The following GALNT17 variants were observed in gnomAD, a reference collection of about 807,000 sequenced individuals.
The protein encoded by GALNT17 is polypeptide N-acetylgalactosaminyltransferase 17.
A neutral mutation model predicts 63.7 loss-of-function variants in GALNT17; 29 were observed. The observed-to-expected ratio is 0.46, with a 90% CI of 0.34 to 0.62. GALNT17 has a LOEUF of 0.62. Ranked by LOEUF, GALNT17 falls within the 20% of genes least tolerant of loss-of-function variation. The pLI is 0.01. For synonymous variants in GALNT17, 305 were observed against 318.3 expected, an observed-to-expected ratio of 0.96 and a Z score of 0.45; for missense variants, 603 against 799.6, an observed-to-expected ratio of 0.75 and a Z score of 2.97.
At chr7:71,353,027 G>T (rs1435850945) in intron 2 of GALNT17, among the ~76,000 whole-genome samples, 1 of 151,752 alleles carries the variant, frequency 6.6e-6, no homozygotes, top group Non-Finnish European at 1.5e-5. Context: ...AGAGCAAAAT[G>T]ACTACTCTGA....
chr7:71,638,928 C>G (rs1374468841), intron 6 of GALNT17, among the ~76,000 whole-genome samples: 2 of 151,792 alleles, frequency 1.3e-5, no homozygotes, highest in African/African-American at 4.8e-5. Flanking sequence ...TTATCAGAGG[C>G]TGGGAAGGGT....
chr7:71,604,483 T>C (rs1790017495), intron 6 of GALNT17, among the ~76,000 whole-genome samples: 2 of 152,230 alleles, frequency 1.3e-5, no homozygotes, highest in South Asian at 2.1e-4. Flanking sequence ...CTTATTTCAT[T>C]CTTAGAACTG....
At chr7:71,640,714 C>T (rs564127693) in intron 6 of GALNT17, among the ~76,000 whole-genome samples, 104 of 152,080 alleles carry the variant, frequency 6.8e-4, no homozygotes, top group Non-Finnish European at 1.3e-3. Context: ...TAATCCTGTG[C>T]ATTTTGTTTA....
At chr7:71,560,086 C>T (rs942177558) in intron 5 of GALNT17, among the ~76,000 whole-genome samples, 3 of 146,732 alleles carry the variant, frequency 2.0e-5, no homozygotes, top group Non-Finnish European at 1.5e-5. Context: ...CCCAGCTACT[C>T]GGGAGGCTGA....
chr7:71,495,090 T>C (rs1788073800), intron 5 of GALNT17, among the ~76,000 whole-genome samples: 1 of 151,974 alleles, frequency 6.6e-6, no homozygotes, highest in South Asian at 2.1e-4. Flanking sequence ...GGCTAACACA[T>C]AGTGAAACCC....
rs147484050 is a variant in GALNT17, at chr7:71,443,041, G to A, written c.962+21936G>A. ...ACTGTGGTTTCTGTGGCGGCTGCAG[G>A]AGGTTTCAGCTGGTGGCATGAGCCC... is the stretch of plus-strand genomic sequence containing the variant. On this transcript the variant is annotated intron_variant, in intron 5 of 10. Coordinates refer to ENST00000333538, the MANE Select transcript of GALNT17 (RefSeq NM_022479.3). Among the ~76,000 whole-genome samples the A allele has an allele frequency of 8.2e-3, 1,244 of 152,296 alleles. 4 individuals carry two copies. The highest frequency in any genetic ancestry group is 0.017 in the Middle Eastern group (5 of 294).
chr7:71,133,125 C>G (rs1219891107), intron 1 of GALNT17, 85 bp downstream of exon 1: 1 of 1,233,804 alleles, frequency 8.1e-7, no homozygotes, highest in Non-Finnish European at 1.1e-6. Context: ...GCGCTGCGCC[C>G]TGTGCCTGGG....
At chr7:71,259,646 G>T (rs6942932) in intron 1 of GALNT17, among the ~76,000 whole-genome samples, 34,154 of 133,860 alleles carry the variant, frequency 0.26, 4,478 homozygotes, top group South Asian at 0.36. Flanking sequence ...TTGTTTTTTT[G>T]TTTTTTTTTT....
At chr7:71,208,928 T>C (rs1388897430) in intron 1 of GALNT17, among the ~76,000 whole-genome samples, 1 of 152,120 alleles carries the variant, frequency 6.6e-6, no homozygotes. Context: ...CTTTGTCCAG[T>C]AATTGATTAG....
intron 6 of GALNT17, among the ~76,000 whole-genome samples, chr7:71,599,006 A>G (rs1789928101): frequency 3.3e-5 from 5 of 152,080 alleles, no homozygotes; most frequent in Admixed American, 3.3e-4. Flanking sequence ...TAGGGGCCTC[A>G]AGGTCTGGAA....
intron 1 of GALNT17, among the ~76,000 whole-genome samples, chr7:71,147,611 A>G (rs1032210650): frequency 4.0e-5 from 6 of 151,706 alleles, no homozygotes; most frequent in African/African-American, 1.5e-4. Context: ...TTAAAATCTC[A>G]TGCATTCTCC....
chr7:71,246,115 G>GTTTTTTTTT (rs61447370), intron 1 of GALNT17, among the ~76,000 whole-genome samples: 3 of 92,000 alleles, frequency 3.3e-5, no homozygotes, highest in Non-Finnish European at 2.1e-5. Flanking sequence ...TTTTTTCGTT[G>GTTTTTTTTT]TTTTTTTTTT....
chr7:71,422,240 C>T (rs1018114518), intron 5 of GALNT17, among the ~76,000 whole-genome samples: 13 of 152,116 alleles, frequency 8.5e-5, no homozygotes, highest in African/African-American at 2.9e-4. Context: ...CCTCCCTTGG[C>T]TCATGGCTAT....
At chr7:71,407,852 T>C (rs1355368790) in intron 3 of GALNT17, among the ~76,000 whole-genome samples, 4 of 151,902 alleles carry the variant, frequency 2.6e-5, no homozygotes, top group African/African-American at 7.3e-5. Flanking sequence ...TCATGAACCA[T>C]GTGTATTAGG....
chr7:71,316,705 C>T (rs1273316621), intron 1 of GALNT17, among the ~76,000 whole-genome samples: 1 of 152,026 alleles, frequency 6.6e-6, no homozygotes, highest in Non-Finnish European at 1.5e-5. Context: ...TTGGCTTTGG[C>T]CTGGGCTAAG....
chr7:71,411,283 G>A (rs1043546593), intron 3 of GALNT17, among the ~76,000 whole-genome samples: 1 of 152,036 alleles, frequency 6.6e-6, no homozygotes, highest in Non-Finnish European at 1.5e-5. Context: ...ACCACGCCTG[G>A]CTAATTTTTG....
intron 5 of GALNT17, among the ~76,000 whole-genome samples, chr7:71,505,021 C>G (rs557463285): frequency 6.6e-6 from 1 of 152,196 alleles, no homozygotes; most frequent in Non-Finnish European, 1.5e-5. Context: ...ACACCCCACA[C>G]GCTGTTGTGT....
chr7:71,675,528 T>C (rs750969521), intron 8 of GALNT17, among the ~76,000 whole-genome samples: 7 of 143,350 alleles, frequency 4.9e-5, no homozygotes, highest in South Asian at 2.3e-4. Context: ...GAGGCTGAGG[T>C]GGGAGGATTG....
chr7:71,565,387 C>T (rs1789325530), intron 5 of GALNT17, among the ~76,000 whole-genome samples: 1 of 152,082 alleles, frequency 6.6e-6, no homozygotes, highest in Admixed American at 6.5e-5. Context: ...TGATGAGCTT[C>T]TGATCCCTCT....
Sources: allele counts gnomAD v4.1 joint callset (sites outside exome capture counted in the v4.1 genomes callset), GRCh38; gene constraint gnomAD v4.1.1; transcripts MANE v1.5; gene names NCBI Gene and HGNC (gene_info 2026-07-23, HGNC 2026-07-21).